The following GALNT17 variants were observed in gnomAD, a reference collection of about 807,000 sequenced individuals.
GALNT17 encodes UDP-GalNAc:polypeptide N-acetylgalactosaminyltransferase-like 3.
GALNT17 carries 29 observed loss-of-function variants against 63.7 expected under a neutral mutation model. The observed-to-expected ratio is 0.46, with a 90% confidence interval of 0.34 to 0.62. The LOEUF is 0.62. Among genes scored for constraint, GALNT17 ranks in the 20% least tolerant of loss-of-function variants. The probability of loss-of-function intolerance (pLI) is 0.01; values close to 1 mark genes in which losing one functional copy is unlikely to be tolerated. For missense variants in GALNT17, 603 were observed against 799.6 expected (o/e 0.75, Z 2.97); for synonymous variants, 305 against 318.3 (o/e 0.96, Z 0.45).
At chr7:71,171,356 A>T (rs909490827) in intron 1 of GALNT17, among the ~76,000 whole-genome samples, 5 of 152,168 alleles carry the variant, frequency 3.3e-5, no homozygotes, top group Admixed American at 3.3e-4. Flanking sequence ...CCCATAAAAA[A>T]ATTAAAAATA....
intron 1 of GALNT17, among the ~76,000 whole-genome samples, chr7:71,148,036 T>A (rs1223889520): frequency 6.6e-6 from 1 of 152,238 alleles, no homozygotes; most frequent in Non-Finnish European, 1.5e-5. Context: ...TTTCAGTGGA[T>A]CTTCTTTTAG....
chr7:71,628,569 C>A (rs907473783), intron 6 of GALNT17, among the ~76,000 whole-genome samples: 29 of 152,128 alleles, frequency 1.9e-4, no homozygotes, highest in African/African-American at 6.8e-4. Context: ...GTGATCCGCC[C>A]ACCTTGGCCT....
At chr7:71,589,030 A>G (rs1200063142) in intron 6 of GALNT17, among the ~76,000 whole-genome samples, 1 of 152,198 alleles carries the variant, frequency 6.6e-6, no homozygotes, top group African/African-American at 2.4e-5. Flanking sequence ...GTGAGTGTCA[A>G]GAAACACCAG....
At chr7:71,260,499 A>G (rs1403318009) in intron 1 of GALNT17, among the ~76,000 whole-genome samples, 1 of 151,954 alleles carries the variant, frequency 6.6e-6, no homozygotes, top group Non-Finnish European at 1.5e-5. Flanking sequence ...CTTTTAGGGG[A>G]CTCATTCTCC....
chr7:71,255,626 T>C (rs1790274960), intron 1 of GALNT17, among the ~76,000 whole-genome samples: 1 of 152,144 alleles, frequency 6.6e-6, no homozygotes, highest in Non-Finnish European at 1.5e-5. Context: ...TGGAAAATGC[T>C]TGTGAGTTCA....
intron 5 of GALNT17, among the ~76,000 whole-genome samples, chr7:71,481,475 G>T (rs181300753): frequency 6.6e-6 from 1 of 152,240 alleles, no homozygotes; most frequent in African/African-American, 2.4e-5. Flanking sequence ...GCTGCATGTG[G>T]TGGGTGGCCT....
chr7:71,484,787 C>G (rs1289596958), intron 5 of GALNT17, among the ~76,000 whole-genome samples: 5 of 138,628 alleles, frequency 3.6e-5, no homozygotes, highest in Admixed American at 8.6e-5. Context: ...ACTGGGAACC[C>G]AGCATCAGGA....
intron 9 of GALNT17, among the ~76,000 whole-genome samples, chr7:71,701,860 TATATATATAC>T (rs1791648862): frequency 3.6e-5 from 3 of 83,670 alleles, no homozygotes; most frequent in African/African-American, 5.6e-5. Flanking sequence ...TATATACACA[TATATATATAC>T]ATATATATAT....
intron 1 of GALNT17, among the ~76,000 whole-genome samples, chr7:71,224,069 A>G (rs145467409): frequency 1.4e-4 from 22 of 152,054 alleles, no homozygotes; most frequent in Non-Finnish European, 1.6e-4. Context: ...TTTTATTTTT[A>G]TTTTTATTGT....
chr7:71,150,441 A>G (rs1788108568), intron 1 of GALNT17, among the ~76,000 whole-genome samples: 1 of 151,846 alleles, frequency 6.6e-6, no homozygotes. Context: ...GATGTTTGCT[A>G]TGACCAGGCT....
At chr7:71,571,425 C>T in intron 6 of GALNT17, 23 bp downstream of exon 6, 2 of 1,593,288 alleles carry the variant, frequency 1.3e-6, no homozygotes, top group East Asian at 2.2e-5. Flanking sequence ...GTGTCCCTTC[C>T]TCTTGGTGTG....
intron 1 of GALNT17, among the ~76,000 whole-genome samples, chr7:71,325,394 T>C (rs1791687705): frequency 6.6e-6 from 1 of 152,178 alleles, no homozygotes; most frequent in Non-Finnish European, 1.5e-5. Context: ...ATTTACTGCA[T>C]GCTGGGCTGG....
At chr7:71,327,508 G>GC (rs1791725524) in intron 1 of GALNT17, among the ~76,000 whole-genome samples, 1 of 152,134 alleles carries the variant, frequency 6.6e-6, no homozygotes, top group African/African-American at 2.4e-5. Context: ...AATTATGGGA[G>GC]CTACAATTAA....
At chr7:71,245,457 G>A (rs1428713115) in intron 1 of GALNT17, among the ~76,000 whole-genome samples, 1 of 152,186 alleles carries the variant, frequency 6.6e-6, no homozygotes, top group Admixed American at 6.5e-5. Context: ...CACATTTGTT[G>A]TCCTTGGGAT....
rs868067260 is a variant in GALNT17, at chr7:71,712,032, G to A, written c.1683G>A (p.Met561Ile). 1.2e-6 allele frequency: 2 copies of A among 1,613,822 alleles called. No individual in the cohort carries two copies. Among genetic ancestry groups the A allele is most frequent in the Non-Finnish European group, 1.7e-6 (2 of 1,179,952 alleles). ...RWNFIQNGAI[M>I]NKGTGRCLEV... ...CCCCCTCCCAGAATGGAGCCATCAT[G>A]AACAAGGGCACGGGACGCTGCCTGG... The change falls in exon 11 of 11, where the codon ATG becomes ATA. Residue 561 changes from methionine to isoleucine, a missense_variant. This residue lies in a region of GALNT17 where 72 missense variants were observed against 76.9 expected (regional missense o/e 0.94). Transcript: ENST00000333538.
At chr7:71,682,362 C>G (rs1201935342) in intron 9 of GALNT17, among the ~76,000 whole-genome samples, 2 of 151,942 alleles carry the variant, frequency 1.3e-5, no homozygotes, top group Non-Finnish European at 1.5e-5. Context: ...CTTTGTGATG[C>G]CTACACCTCC....
chr7:71,399,629 T>A (rs1448891259), intron 3 of GALNT17, among the ~76,000 whole-genome samples: 1 of 152,228 alleles, frequency 6.6e-6, no homozygotes, highest in African/African-American at 2.4e-5. Context: ...TAGTGGTCTC[T>A]GATTCATGAG....
At chr7:71,262,435 A>G (rs1790402085) in intron 1 of GALNT17, among the ~76,000 whole-genome samples, 1 of 151,984 alleles carries the variant, frequency 6.6e-6, no homozygotes, top group South Asian at 2.1e-4. Context: ...TGTATATGTC[A>G]CTTGTCATTG....
intron 9 of GALNT17, among the ~76,000 whole-genome samples, chr7:71,690,734 C>T (rs1307019973): frequency 1.3e-5 from 2 of 152,118 alleles, no homozygotes; most frequent in East Asian, 1.9e-4. Flanking sequence ...TCATGGATGA[C>T]TTTGAGGGTT....
Sources: gnomAD v4.1 joint callset for allele counts (sites outside exome capture counted in the v4.1 genomes callset) on GRCh38, gnomAD v4.1.1 for gene constraint, gnomAD v4.1.1 regional missense constraint, MANE v1.5 for transcripts, NCBI Gene and HGNC (gene_info 2026-07-23, HGNC 2026-07-21) for gene names.